The following SCAMP2 variants were observed in gnomAD, a reference collection of about 807,000 sequenced individuals.
SCAMP2 encodes the protein secretory carrier membrane protein 2.
SCAMP2 carries 25 observed loss-of-function variants against 44.1 expected under a neutral mutation model. The observed-to-expected ratio is 0.57, with a 90% CI of 0.41 to 0.79. SCAMP2 has a LOEUF of 0.79. Ranked by LOEUF, SCAMP2 falls within the 30% of genes least tolerant of loss-of-function variation. The pLI, the probability that SCAMP2 is intolerant of heterozygous loss-of-function variation, is 0.00. For synonymous variants in SCAMP2, 156 were observed against 166.0 expected, an observed-to-expected ratio of 0.94 and a Z score of 0.46; for missense variants, 355 against 411.0, an observed-to-expected ratio of 0.86 and a Z score of 1.18.
rs762874433 is a variant in SCAMP2 at position 74,845,482 on chromosome 15, G to A, written c.846C>T (p.Leu282=). 2 of 1,614,162 alleles carry A rather than the reference G, an allele frequency of 1.2e-6. No individual in the cohort carries two copies. The highest frequency in any genetic ancestry group is 2.2e-5 in the East Asian group (1 of 44,884). Residue 282 remains leucine, a synonymous_variant, in exon 8 of 9, where the codon CTC becomes CTT. Coordinates refer to ENST00000268099, the MANE Select transcript of SCAMP2 (RefSeq NM_005697.5). ...FTLCAVLSVF[L]LQRVHSLYRR... ...TGCCCACACCACTCACCCGCTGCAGGAGGAAGACTGAGAGCACGGCACAGA... is the reference window on the plus strand; with the variant it reads ...TGCCCACACCACTCACCCGCTGCAGAAGGAAGACTGAGAGCACGGCACAGA...
intron 8 of SCAMP2, 56 bp from the exon 9 acceptor site, chr15:74,845,273 A>G: frequency 6.3e-7 from 1 of 1,599,464 alleles, no homozygotes; most frequent in South Asian, 1.1e-5. Flanking sequence ...CCAGGAAGCC[A>G]GCCATCCAGG....
chr15:74,845,430 C>T, intron 8 of SCAMP2, 43 bp downstream of exon 8: 4 of 1,613,732 alleles, frequency 2.5e-6, no homozygotes, highest in Non-Finnish European at 3.4e-6. Context: ...AAACGGTTGC[C>T]TGCCTCCTCC....
At chr15:74,872,040 T>C (rs1343519952) in intron 1 of SCAMP2, among the ~76,000 whole-genome samples, 2 of 145,910 alleles carry the variant, frequency 1.4e-5, no homozygotes, top group Non-Finnish European at 3.0e-5. Context: ...GCAAGAATTG[T>C]CTCAAAAAAC....
Position 74,844,306 on chromosome 15 carries a change from GT to G in SCAMP2, c.*776del, listed in dbSNP as rs2064370933. ...TGGACGCTAGGCAGGACAGCTTGGG[GT>G]CAGTGTCCTTGGTCCCTTCCAGTCC... On this transcript the variant is annotated 3_prime_UTR_variant, in exon 9 of 9. Transcript: ENST00000268099. 6.6e-6 allele frequency: 1 copy of G among 152,224 alleles called. No homozygotes were observed. The highest frequency in any genetic ancestry group is 1.5e-5 in the Non-Finnish European group (1 of 68,108). 9.4% of individuals were successfully genotyped at this position (152,224 alleles called of 1,614,324 possible). A position where few individuals can be genotyped will look rare whatever the true frequency, so the allele number is the denominator to read the frequency against.
chr15:74,873,250 C>T lies in SCAMP2; in HGVS notation c.6G>A (p.Ser2=). The change falls in exon 1 of 9, where the codon TCG becomes TCA. Residue 2 remains serine, a synonymous_variant. Coordinates refer to ENST00000268099, the MANE Select transcript of SCAMP2 (RefSeq NM_005697.5). ...CCGCGAAGGGGTTGGTGTCGAAAGCCGACATGGTGATCGGGGGCCAGCGGG... is the reference window on the plus strand; with the variant it reads ...CCGCGAAGGGGTTGGTGTCGAAAGCTGACATGGTGATCGGGGGCCAGCGGG... The part of the protein sequence containing the change: M[S]AFDTNPFADP... 1 of 1,471,984 alleles carries T rather than the reference C, an allele frequency of 6.8e-7. No individual in the cohort carries two copies. 91.2% of individuals were successfully genotyped at this position (1,471,984 alleles called of 1,614,324 possible).
chr15:74,846,950 T>C (rs547431380), intron 7 of SCAMP2, among the ~76,000 whole-genome samples: 1 of 152,204 alleles, frequency 6.6e-6, no homozygotes, highest in South Asian at 2.1e-4. Context: ...CTCATATTTC[T>C]TGACATCAAA....
At position 74,855,202 on chromosome 15, in the gene SCAMP2, G is replaced by C. The variant is rs1222845163; in HGVS notation, c.58-553C>G. Among the ~76,000 whole-genome samples, 21 of 151,948 alleles carry C rather than the reference G, an allele frequency of 1.4e-4. 1 individual carries two copies. The highest frequency in any genetic ancestry group is 1.3e-3 in the Admixed American group (20 of 15,272). On this transcript the variant is annotated intron_variant, in intron 1 of 8. Transcript: ENST00000268099. ...CACTGCAACCTTCGCCTCCTGGGTTGAAGCGATTCTCCTGCCTCAGCCTCC... is the reference window on the plus strand; with the variant it reads ...CACTGCAACCTTCGCCTCCTGGGTTCAAGCGATTCTCCTGCCTCAGCCTCC...
intron 3 of SCAMP2, chr15:74,853,544 G>A: frequency 2.3e-6 from 1 of 441,780 alleles, no homozygotes; most frequent in Non-Finnish European, 4.6e-6. Context: ...GGGCAGCGAG[G>A]GGTGCAGCGG....
At position 74,852,076 on chromosome 15, in the gene SCAMP2, GT is replaced by G. The variant is rs2064438969; in HGVS notation, c.335del (p.Asn112ThrfsTer4). 1 of 1,573,166 alleles carries G rather than the reference GT, an allele frequency of 6.4e-7. No individual in the cohort carries two copies. Among genetic ancestry groups the G allele is most frequent in the Non-Finnish European group, 8.6e-7 (1 of 1,159,182 alleles). ...KERELQNTVA[N>X]LHVRQNNWPP... ...CCCAGCAGCCTCCCTTACCATGCAAGTTGGCTACAGTGTTCTGCAGCTCCCG... is the reference window on the plus strand; with the variant it reads ...CCCAGCAGCCTCCCTTACCATGCAAGTGGCTACAGTGTTCTGCAGCTCCCG... On this transcript the variant is annotated frameshift_variant, in exon 4 of 9. Coordinates refer to ENST00000268099, the MANE Select transcript of SCAMP2 (RefSeq NM_005697.5). LOFTEE classifies it high-confidence loss of function.
At chr15:74,863,927 GA>G (rs1489256825) in intron 1 of SCAMP2, among the ~76,000 whole-genome samples, 1 of 152,202 alleles carries the variant, frequency 6.6e-6, no homozygotes, top group Non-Finnish European at 1.5e-5. Flanking sequence ...AGCTGTCTGG[GA>G]GAGTCAGGGA....
At chr15:74,845,696 C>T in intron 7 of SCAMP2, 103 bp from the exon 8 acceptor site, 3 of 1,401,274 alleles carry the variant, frequency 2.1e-6, no homozygotes, top group Admixed American at 1.8e-5. Context: ...TGACCATCAC[C>T]TTGGCATCTC....
rs1206712618 is a variant in SCAMP2, at chr15:74,862,263, C to CAAAAAAAAA, written c.58-7623_58-7615dup. The stretch of plus-strand genomic sequence containing the variant: ...GGGTGACAGAGTGAGACTCTGTCTC[C>CAAAAAAAAA]AAAAAAAAAAAAAAAAAAAAAAAAA... On this transcript the variant is annotated intron_variant, in intron 1 of 8. Transcript: ENST00000268099. 2.6e-3 allele frequency among the ~76,000 whole-genome samples: 41 copies of CAAAAAAAAA among 15,472 alleles called. 10 individuals are homozygous for CAAAAAAAAA. In the Admixed American group the frequency reaches 0.033, roughly 12 times the overall value. The allele number at this position is 15,472 out of a possible 152,430, so 10.2% of individuals were successfully genotyped here. A position where few individuals can be genotyped will look rare whatever the true frequency, so the allele number is the denominator to read the frequency against.
intron 1 of SCAMP2, among the ~76,000 whole-genome samples, chr15:74,869,261 T>C (rs1162808381): frequency 3.3e-5 from 5 of 152,068 alleles, no homozygotes; most frequent in Non-Finnish European, 7.3e-5. Context: ...AGAATATATA[T>C]TGCTTTAAAG....
chr15:74,847,641 G>C (rs1330329913), intron 7 of SCAMP2, among the ~76,000 whole-genome samples: 1 of 152,210 alleles, frequency 6.6e-6, no homozygotes, highest in Non-Finnish European at 1.5e-5. Flanking sequence ...AGAGGGAGGG[G>C]ACCAAAATAG....
chr15:74,859,937 C>CATTA (rs966789940), intron 1 of SCAMP2, among the ~76,000 whole-genome samples: 33 of 152,036 alleles, frequency 2.2e-4, no homozygotes, highest in African/African-American at 7.7e-4. Context: ...CAAATAAACA[C>CATTA]ATTAAATAAA....
intron 1 of SCAMP2, among the ~76,000 whole-genome samples, chr15:74,866,866 G>A (rs1340741160): frequency 6.6e-6 from 1 of 150,936 alleles, no homozygotes; most frequent in African/African-American, 2.4e-5. Context: ...GTGCAATCTC[G>A]GCTCGCTGCA....
intron 1 of SCAMP2, among the ~76,000 whole-genome samples, chr15:74,869,334 A>T (rs1414292342): frequency 1.3e-5 from 2 of 152,280 alleles, no homozygotes; most frequent in Admixed American, 6.5e-5. Flanking sequence ...AATAAAAAAT[A>T]AAAAAATTAA....
intron 1 of SCAMP2, among the ~76,000 whole-genome samples, chr15:74,871,375 A>G (rs2064573938): frequency 6.6e-6 from 1 of 151,484 alleles, no homozygotes; most frequent in South Asian, 2.1e-4. Flanking sequence ...GATTCAAATA[A>G]TCATTTGAAT....
At chr15:74,853,359 T>A (rs1451267619) in intron 3 of SCAMP2, 1 of 455,798 alleles carries the variant, frequency 2.2e-6, no homozygotes, top group South Asian at 1.5e-5. Context: ...TCATCTACAT[T>A]AGGCCTACCT....
Sources: gnomAD v4.1 joint callset for allele counts (sites outside exome capture counted in the v4.1 genomes callset) on GRCh38, gnomAD v4.1.1 for gene constraint, MANE v1.5 for transcripts, NCBI Gene and HGNC (gene_info 2026-07-23, HGNC 2026-07-21) for gene names.